ANPEP: variants seen among roughly 807,000 people sequenced by gnomAD.
ANPEP encodes the protein alanyl aminopeptidase, membrane, also known as aminopeptidase N.
In ANPEP, 70 loss-of-function variants were observed where a neutral mutation model predicts 114.6. That is an observed-to-expected ratio of 0.61 (90% CI 0.50 to 0.75). ANPEP has a LOEUF of 0.75. ANPEP is among the 30% of genes least tolerant of loss of function. The pLI, the probability that ANPEP is intolerant of heterozygous loss-of-function variation, is 0.00. For synonymous variants in ANPEP, 548 were observed against 522.3 expected, an observed-to-expected ratio of 1.05 and a Z score of -0.67; for missense variants, 1,184 against 1,259.5, an observed-to-expected ratio of 0.94 and a Z score of 0.91.
At chr15:89,798,645 A>G (rs1968774528) in intron 14 of ANPEP, among the ~76,000 whole-genome samples, 1 of 151,630 alleles carries the variant, frequency 6.6e-6, no homozygotes, top group African/African-American at 2.4e-5. Flanking sequence ...TCAAAAAAAA[A>G]AAGCGGGGGG....
chr15:89,806,327 C>T lies in ANPEP; in HGVS notation c.257G>A (p.Arg86Gln), dbSNP rs25653. ...GGTGAGGTACGGTCTCAGCGTCACC[C>T]GGTAGGAATCGGGTTTCAGCGTGTT... The part of the protein sequence containing the change: ...LPNTLKPDSY[R>Q]VTLRPYLTPN... The change falls in exon 2 of 21, where the codon CGG becomes CAG. Residue 86 changes from arginine to glutamine, a missense_variant. Coordinates refer to ENST00000300060, the MANE Select transcript of ANPEP (RefSeq NM_001150.3). The surrounding 1 kb of genome is among the most constrained non-coding windows in gnomAD (Gnocchi z 5.7). 856,055 of 1,613,860 alleles carry T rather than the reference C, an allele frequency of 0.53. 233,638 individuals are homozygous for T. Among genetic ancestry groups the T allele is most frequent in the African/African-American group, 0.86 (64,825 of 74,952 alleles).
intron 2 of ANPEP, 53 bp from the exon 3 acceptor site, chr15:89,805,516 G>A: frequency 2.5e-6 from 4 of 1,603,744 alleles, no homozygotes; most frequent in Non-Finnish European, 3.4e-6. Context: ...TGTGGGAGGG[G>A]CTCTGAGGAT....
At position 89,799,844 on chromosome 15, in the gene ANPEP, C is replaced by T. The variant is rs1473027498; in HGVS notation, c.1820-285G>A. ...GCCAGGCCGCTCACACTCAGCAATC[C>T]AGGCTGTTCCTCCTCCTTGCCCTCC... On this transcript the variant is annotated intron_variant, in intron 12 of 20. Transcript: ENST00000300060. This position sits in a 1 kb window ranked among gnomAD's most constrained non-coding sequence, Gnocchi z 4.2. 6.6e-6 allele frequency among the ~76,000 whole-genome samples: 1 copy of T among 152,218 alleles called. No homozygotes were observed. The highest frequency in any genetic ancestry group is 1.5e-5 in the Non-Finnish European group (1 of 68,032).
chr15:89,790,558 A>G lies in ANPEP; in HGVS notation c.2670-17T>C, dbSNP rs1315808255. 5.6e-6 allele frequency: 9 copies of G among 1,609,700 alleles called. No individual in the cohort carries two copies. Among genetic ancestry groups the G allele is most frequent in the Non-Finnish European group, 8.5e-7 (1 of 1,176,292 alleles). ...CCACCATAACTGCAGGGAGGGAGAG[A>G]GGTGAACTGTGAGGGAGGCCGGGAA... is the stretch of plus-strand genomic sequence containing the variant. On this transcript the variant is annotated splice_polypyrimidine_tract_variant and intron_variant, in intron 19 of 20. Coordinates refer to ENST00000300060, the MANE Select transcript of ANPEP (RefSeq NM_001150.3).
At chr15:89,788,032 A>T (rs1324359804) in intron 20 of ANPEP, among the ~76,000 whole-genome samples, 1 of 152,380 alleles carries the variant, frequency 6.6e-6, no homozygotes, top group East Asian at 1.9e-4. Flanking sequence ...TACACTGCTA[A>T]TAGGAATGGA....
intron 12 of ANPEP, among the ~76,000 whole-genome samples, chr15:89,800,407 G>A (rs983306161): frequency 8.5e-5 from 13 of 152,068 alleles, no homozygotes; most frequent in African/African-American, 2.9e-4. Flanking sequence ...GCACTAGAAT[G>A]CCTCCAACTT....
In ANPEP at chr15:89,803,793, G is replaced by A. The variant is rs1345076478; in HGVS notation, c.1294-3C>T. ...TCATTCAGCACCATGAGGTCTTTCT[G>A]CAAATTCCCCAGGGCCATCAGGAGA... On this transcript the variant is annotated splice_region_variant and splice_polypyrimidine_tract_variant and intron_variant, in intron 7 of 20. Coordinates refer to ENST00000300060, the MANE Select transcript of ANPEP (RefSeq NM_001150.3). The surrounding 1 kb of genome is among the most constrained non-coding windows in gnomAD (Gnocchi z 4.2). 1 of 1,607,050 alleles carries A rather than the reference G, an allele frequency of 6.2e-7. No individual in the cohort carries two copies. The highest frequency in any genetic ancestry group is 8.5e-7 in the Non-Finnish European group (1 of 1,174,706).
At chr15:89,787,230 A>G (rs924618863) in intron 20 of ANPEP, among the ~76,000 whole-genome samples, 1 of 152,042 alleles carries the variant, frequency 6.6e-6, no homozygotes, top group Middle Eastern at 3.4e-3. Flanking sequence ...ATTTTTTAGT[A>G]GGGACGGGGT....
At chr15:89,804,679 G>A in intron 4 of ANPEP, 62 bp from the exon 5 acceptor site, 2 of 1,585,488 alleles carry the variant, frequency 1.3e-6, no homozygotes, top group South Asian at 2.3e-5. Context: ...CAGGTGGGCT[G>A]GGTCCCAGGG....
chr15:89,790,542 C>A lies in ANPEP; in HGVS notation c.2670-1G>T. On this transcript the variant is annotated splice_acceptor_variant, in intron 19 of 20. Transcript: ENST00000300060. LOFTEE classifies it high-confidence loss of function. ...GAAGGAGAACGAGCCACCACCATAA[C>A]TGCAGGGAGGGAGAGAGGTGAACTG... The A allele has an allele frequency of 6.2e-7, 1 of 1,613,654 alleles. No homozygotes were observed. The highest frequency in any genetic ancestry group is 8.5e-7 in the Non-Finnish European group (1 of 1,179,658).
At chr15:89,796,644 C>G (rs144831976) in intron 15 of ANPEP, among the ~76,000 whole-genome samples, 1 of 151,492 alleles carries the variant, frequency 6.6e-6, no homozygotes, top group Admixed American at 6.7e-5. Context: ...CCCGCCACCA[C>G]GCCTGGCTAA....
intron 20 of ANPEP, among the ~76,000 whole-genome samples, chr15:89,790,228 G>A (rs1968593749): frequency 6.6e-6 from 1 of 152,146 alleles, no homozygotes; most frequent in South Asian, 2.1e-4. Context: ...GGTACATGGA[G>A]GTTCATTATA....
intron 1 of ANPEP, among the ~76,000 whole-genome samples, chr15:89,808,384 T>C (rs1894761542): frequency 6.6e-6 from 1 of 152,208 alleles, no homozygotes. Flanking sequence ...TGGTTTTCCC[T>C]TTGATCTGTG....
rs1429521394 is a variant in ANPEP at position 89,805,379 on chromosome 15, G to A, written c.699C>T (p.Phe233=). Residue 233 remains phenylalanine (F), a synonymous_variant, in exon 3 of 21, where the codon TTC becomes TTT. Coordinates refer to ENST00000300060, the MANE Select transcript of ANPEP (RefSeq NM_001150.3). ...CCTTGGGGTGGATAAGCGTGATGTT[G>A]AACTCGGCCTTCATGGCCGGCTCAT... ...CFDEPAMKAE[F]NITLIHPKDL... The A allele has an allele frequency of 1.2e-6, 2 of 1,614,180 alleles. No individual in the cohort carries two copies. The highest frequency in any genetic ancestry group is 1.7e-4 in the Middle Eastern group (1 of 6,060).
At chr15:89,786,204 T>G (rs908046460) in intron 20 of ANPEP, among the ~76,000 whole-genome samples, 5 of 152,028 alleles carry the variant, frequency 3.3e-5, no homozygotes, top group African/African-American at 7.2e-5. Flanking sequence ...TTTGACAAAA[T>G]AAGTGCAAGA....
At chr15:89,805,852 A>C in intron 2 of ANPEP, 118 bp downstream of exon 2, 1 of 1,366,386 alleles carries the variant, frequency 7.3e-7, no homozygotes, top group East Asian at 2.3e-5. Context: ...GCAATGGGCC[A>C]GTCTCGGGCT....
rs1894532287 is a variant in ANPEP, at chr15:89,799,115, G to A, written c.2009+145C>T. The A allele has an allele frequency of 5.9e-6, 5 of 847,020 alleles. No individual in the cohort carries two copies. Among genetic ancestry groups the A allele is most frequent in the Non-Finnish European group, 9.5e-6 (5 of 527,506 alleles). 52.5% of individuals were successfully genotyped at this position (847,020 alleles called of 1,614,324 possible). A position where few individuals can be genotyped will look rare whatever the true frequency, so the allele number is the denominator to read the frequency against. On this transcript the variant is annotated intron_variant, in intron 14 of 20. Coordinates refer to ENST00000300060, the MANE Select transcript of ANPEP (RefSeq NM_001150.3). The surrounding 1 kb of genome is among the most constrained non-coding windows in gnomAD (Gnocchi z 4.2). The stretch of plus-strand genomic sequence containing the variant: ...TGAAATGGGTGTGTGGGGACCCAGG[G>A]AGGGACGTCCAGGGAGCACAGGAGC...
At chr15:89,795,480 G>C (rs767718224) in intron 15 of ANPEP, among the ~76,000 whole-genome samples, 1 of 151,978 alleles carries the variant, frequency 6.6e-6, no homozygotes, top group African/African-American at 2.4e-5. Flanking sequence ...AGATGGAGAC[G>C]AGGCCCAAAC....
Position 89,804,591 on chromosome 15 carries a change from G to T in ANPEP, c.924C>A (p.Ala308=). The stretch of plus-strand genomic sequence containing the variant: ...CATAATCGCCGTGGCCCGCCGCAAT[G>T]GCACTGGGCCGGGCCCAGATCCGGA... The part of the protein sequence containing the change: ...VLIRIWARPS[A]IAAGHGDYAL... The change falls in exon 5 of 21, where the codon GCC becomes GCA. Residue 308 remains alanine, a synonymous_variant. Transcript: ENST00000300060. 1.9e-6 allele frequency: 3 copies of T among 1,614,038 alleles called. No homozygotes were observed. In the South Asian group the frequency reaches 3.3e-5, roughly 18 times the overall value.
Sources: gnomAD v4.1 joint callset for allele counts (sites outside exome capture counted in the v4.1 genomes callset) on GRCh38, gnomAD v4.1.1 for gene constraint, Gnocchi (gnomAD v3.1) non-coding constraint, MANE v1.5 for transcripts, NCBI Gene and HGNC (gene_info 2026-07-23, HGNC 2026-07-21) for gene names.